PUDP: variants seen among roughly 807,000 people sequenced by gnomAD.
The protein encoded by PUDP is pseudouridine-5'-phosphatase.
PUDP carries 8 observed loss-of-function variants against 9.4 expected under a neutral mutation model. The ratio of observed to expected loss-of-function variants is 0.85; its 90% CI spans 0.50 to 1.53. The LOEUF (loss-of-function observed/expected upper bound fraction) is 1.53, where lower values mean the gene tolerates loss of function less well. Among genes scored for constraint, PUDP ranks in the 40% most tolerant of loss-of-function variants. The pLI is 0.00. For missense variants in PUDP, 188 were observed against 189.7 expected (o/e 0.99, Z 0.05); for synonymous variants, 99 against 80.7 (o/e 1.23, Z -1.22).
chrX:6,917,588 C>A (rs987975340), intron 3 of PUDP, among the ~76,000 whole-genome samples: 6 of 111,436 alleles, frequency 5.4e-5, no homozygotes, highest in Non-Finnish European at 1.1e-4. Flanking sequence ...ATGAAACAAG[C>A]TTTGTGGATT....
At chrX:7,033,372 A>G (rs1212323477) in intron 1 of PUDP, among the ~76,000 whole-genome samples, 2 of 111,966 alleles carry the variant, frequency 1.8e-5, no homozygotes, top group Admixed American at 1.9e-4. Flanking sequence ...CCTCTAGAGA[A>G]CCTTGAGTAA....
chrX:6,708,298 GTTGAGAGAATTT>G (rs1924493408), intron 1 of PUDP, among the ~76,000 whole-genome samples: 1 of 111,576 alleles, frequency 9.0e-6, no homozygotes. Flanking sequence ...GAAGGGCTGT[GTTGAGAGAATTT>G]TCCAAAATAA....
At chrX:6,969,973 C>T (rs146401890) in intron 3 of PUDP, among the ~76,000 whole-genome samples, 38 of 112,141 alleles carry the variant, frequency 3.4e-4, no homozygotes, top group Non-Finnish European at 6.2e-4. Flanking sequence ...ATATGACATA[C>T]ATACAAAAGG....
intron 3 of PUDP, among the ~76,000 whole-genome samples, chrX:6,773,064 A>G (rs1157594290): frequency 8.9e-6 from 1 of 112,251 alleles, no homozygotes; most frequent in Admixed American, 9.5e-5. Context: ...TTTTTCTCAG[A>G]CATTAGTTGA....
intron 3 of PUDP, among the ~76,000 whole-genome samples, 166 bp downstream of exon 3, chrX:7,077,054 T>TCC (rs1211702816): frequency 8.9e-6 from 1 of 112,160 alleles, no homozygotes; most frequent in East Asian, 2.8e-4. Flanking sequence ...CACAAAATCT[T>TCC]CCAACCAGAC....
At chrX:7,100,962 T>A (rs182974116) in intron 2 of PUDP, among the ~76,000 whole-genome samples, 1 of 112,021 alleles carries the variant, frequency 8.9e-6, no homozygotes, top group Non-Finnish European at 1.9e-5. Flanking sequence ...TACACCTAAC[T>A]CGTTTCAGAA....
chrX:7,086,141 A>G (rs1393754870), intron 2 of PUDP, among the ~76,000 whole-genome samples: 2 of 111,508 alleles, frequency 1.8e-5, no homozygotes, highest in East Asian at 2.8e-4. Context: ...TAAAATGCCC[A>G]GTCACCTCTG....
chrX:7,049,295 G>A lies in PUDP; in HGVS notation c.*1001C>T, dbSNP rs777488955. 1 of 112,202 alleles carries A rather than the reference G, an allele frequency of 8.9e-6. No homozygotes were observed. Among genetic ancestry groups the A allele is most frequent in the South Asian group, 3.7e-4 (1 of 2,680 alleles). The allele number at this position is 112,202 out of a possible 1,213,427, so 9.2% of individuals were successfully genotyped here. ...AAATCAGAGACGAATTTTAAAGACTGAGTAAATCTATAAAAGCGATTAATC... is the reference window on the plus strand; with the variant it reads ...AAATCAGAGACGAATTTTAAAGACTAAGTAAATCTATAAAAGCGATTAATC... On this transcript the variant is annotated 3_prime_UTR_variant, in exon 4 of 4. Coordinates refer to ENST00000381077, the MANE Select transcript of PUDP (RefSeq NM_012080.5).
chrX:6,742,881 T>C (rs1309039063), intron 3 of PUDP, among the ~76,000 whole-genome samples: 1 of 112,472 alleles, frequency 8.9e-6, no homozygotes. Context: ...GAACACATGG[T>C]TTGAGAAAGT....
intron 3 of PUDP, among the ~76,000 whole-genome samples, chrX:6,773,905 G>C (rs1925407704): frequency 8.9e-6 from 1 of 111,847 alleles, no homozygotes; most frequent in African/African-American, 3.3e-5. Flanking sequence ...TTGGGAGGCT[G>C]AGGTGGGCAG....
chrX:6,797,197 T>G (rs751170681), intron 3 of PUDP, among the ~76,000 whole-genome samples: 1 of 111,315 alleles, frequency 9.0e-6, no homozygotes, highest in Admixed American at 9.6e-5. Flanking sequence ...AAGAAAATCA[T>G]TAGGCCATAT....
chrX:6,927,683 C>T (rs1928126122), intron 3 of PUDP, among the ~76,000 whole-genome samples: 1 of 111,570 alleles, frequency 9.0e-6, no homozygotes, highest in Admixed American at 9.5e-5. Flanking sequence ...AAAAGGCATA[C>T]AGATTAATTT....
upstream of PUDP, among the ~76,000 whole-genome samples, chrX:6,722,267 A>G (rs897720240): frequency 6.2e-4 from 69 of 110,781 alleles, no homozygotes; most frequent in Non-Finnish European, 1.1e-3. Context: ...CAACATGATG[A>G]AACCCCATTT....
chrX:7,052,904 C>T (rs1232643926), intron 3 of PUDP, among the ~76,000 whole-genome samples: 1 of 111,745 alleles, frequency 8.9e-6, no homozygotes, highest in African/African-American at 3.3e-5. Flanking sequence ...CACCGTAGGA[C>T]GCGAGAAGAA....
At chrX:7,099,260 T>C (rs1417432605) in intron 2 of PUDP, among the ~76,000 whole-genome samples, 3 of 112,963 alleles carry the variant, frequency 2.7e-5, no homozygotes, top group East Asian at 5.6e-4. Flanking sequence ...CAGCATAGGC[T>C]ATGTTTTAAA....
chrX:7,072,948 A>T (rs1241379209), intron 3 of PUDP, among the ~76,000 whole-genome samples: 2 of 111,614 alleles, frequency 1.8e-5, no homozygotes, highest in African/African-American at 6.5e-5. Flanking sequence ...GTGGCTGGGA[A>T]CAGAGAGCCC....
At chrX:6,882,593 C>T (rs1345756965) in intron 3 of PUDP, among the ~76,000 whole-genome samples, 2 of 111,635 alleles carry the variant, frequency 1.8e-5, no homozygotes, top group East Asian at 5.6e-4. Flanking sequence ...AGAAATTAAG[C>T]CTTGCAGGGT....
At chrX:7,099,817 G>A (rs1201564494) in intron 2 of PUDP, among the ~76,000 whole-genome samples, 1 of 112,191 alleles carries the variant, frequency 8.9e-6, no homozygotes, top group Non-Finnish European at 1.9e-5. Context: ...TCAGGGGGCT[G>A]ATTCCTTGGT....
intron 3 of PUDP, among the ~76,000 whole-genome samples, chrX:6,808,182 TTACA>T (rs1242499929): frequency 1.8e-5 from 2 of 111,413 alleles, no homozygotes; most frequent in African/African-American, 6.5e-5. Context: ...ATGATGAGCA[TTACA>T]TAGAGTGATA....
Sources: allele counts gnomAD v4.1 joint callset (sites outside exome capture counted in the v4.1 genomes callset), GRCh38; gene constraint gnomAD v4.1.1; transcripts MANE v1.5; gene names NCBI Gene and HGNC (gene_info 2026-07-23, HGNC 2026-07-21).